ARHGAP20: variants seen among roughly 807,000 people sequenced by gnomAD.
The protein encoded by ARHGAP20 is Rho GTPase activating protein 20, also known as rho GTPase-activating protein 20.
Under a neutral mutation model 73.7 loss-of-function variants are expected in ARHGAP20, and 34 were observed. The ratio of observed to expected loss-of-function variants is 0.46; its 90% CI spans 0.35 to 0.61. The LOEUF is 0.61. ARHGAP20 is among the 20% of genes least tolerant of loss of function. The pLI, the probability that ARHGAP20 is intolerant of heterozygous loss-of-function variation, is 0.00. For missense variants in ARHGAP20, 1,314 were observed against 1,420.9 expected, an observed-to-expected ratio of 0.92 and a Z score of 1.21; for synonymous variants, 523 against 518.2, an observed-to-expected ratio of 1.01 and a Z score of -0.13.
At chr11:110,633,670 T>C (rs556256452) in intron 2 of ARHGAP20, among the ~76,000 whole-genome samples, 15 of 152,316 alleles carry the variant, frequency 9.8e-5, no homozygotes, top group African/African-American at 3.1e-4. Context: ...TCTCAACATA[T>C]GATAGATTTA....
In ARHGAP20 at chr11:110,712,326, G is replaced by T; in HGVS notation, c.-95C>A. On this transcript the variant is annotated 5_prime_UTR_variant, in exon 1 of 15. Transcript: ENST00000683387. ...GAGGGGCGAGGACGCGCGGGCGGAGGCGCGGCTGCCGTGCTCAGGCAGGGA... is the reference window on the plus strand; with the variant it reads ...GAGGGGCGAGGACGCGCGGGCGGAGTCGCGGCTGCCGTGCTCAGGCAGGGA... The T allele has an allele frequency of 9.3e-7, 1 of 1,079,626 alleles. No individual in the cohort carries two copies. The highest frequency in any genetic ancestry group is 1.2e-6 in the Non-Finnish European group (1 of 835,910). The allele number at this position is 1,079,626 out of a possible 1,614,324, so 66.9% of individuals were successfully genotyped here.
At chr11:110,669,106 T>C (rs565232471) in intron 2 of ARHGAP20, among the ~76,000 whole-genome samples, 1 of 151,728 alleles carries the variant, frequency 6.6e-6, no homozygotes, top group African/African-American at 2.4e-5. Context: ...AAAGAAAAAA[T>C]GATAAATTGG....
At chr11:110,654,655 T>C (rs1481443029) in intron 2 of ARHGAP20, among the ~76,000 whole-genome samples, 5 of 152,206 alleles carry the variant, frequency 3.3e-5, no homozygotes, top group Non-Finnish European at 7.3e-5. Context: ...ATGTATTGCA[T>C]CTGTGTTGGT....
In ARHGAP20 at chr11:110,648,182, T is replaced by C. The variant is rs1363668949; in HGVS notation, c.189-17390A>G. 1.6e-4 allele frequency among the ~76,000 whole-genome samples: 19 copies of C among 116,254 alleles called. No homozygotes were observed. In the East Asian group the frequency reaches 4.3e-3, roughly 26 times the overall value. The allele number at this position is 116,254 out of a possible 152,430, so 76.3% of individuals were successfully genotyped here. On this transcript the variant is annotated intron_variant, in intron 2 of 14. Transcript: ENST00000683387. ...ATATATATATATGTAAATATATATA[T>C]ATATATGTAAATATATATATATATG...
chr11:110,583,236 G>A (rs942998996), intron 13 of ARHGAP20, among the ~76,000 whole-genome samples: 18 of 152,186 alleles, frequency 1.2e-4, no homozygotes, highest in African/African-American at 4.3e-4. Flanking sequence ...GGGTGGAGCT[G>A]AGAATGGAAG....
intron 4 of ARHGAP20, among the ~76,000 whole-genome samples, chr11:110,621,003 G>C (rs188253020): frequency 1.3e-4 from 19 of 149,568 alleles, no homozygotes; most frequent in Non-Finnish European, 2.5e-4. Flanking sequence ...GAAGCCGGGA[G>C]GCAGAGGTTG....
At chr11:110,684,862 A>C (rs1398377915) in intron 2 of ARHGAP20, among the ~76,000 whole-genome samples, 1 of 131,584 alleles carries the variant, frequency 7.6e-6, no homozygotes, top group Non-Finnish European at 1.6e-5. Flanking sequence ...TATAAGTGGG[A>C]GGAAACAATG....
At chr11:110,657,920 GAGGAAGGAAGGAAGGA>G (rs3044293) in intron 2 of ARHGAP20, among the ~76,000 whole-genome samples, 83 of 134,110 alleles carry the variant, frequency 6.2e-4, no homozygotes, top group Admixed American at 1.2e-3. Context: ...AAAAGAGAGA[GAGGAAGGAAGGAAGGA>G]AGGAAGGAAG....
chr11:110,631,680 T>C (rs1948863395), intron 2 of ARHGAP20, among the ~76,000 whole-genome samples: 1 of 152,098 alleles, frequency 6.6e-6, no homozygotes, highest in Admixed American at 6.5e-5. Flanking sequence ...TCCAGAAATA[T>C]CTGCTCTGAT....
chr11:110,639,247 C>CCG (rs1555092912), intron 2 of ARHGAP20, among the ~76,000 whole-genome samples: 32 of 146,180 alleles, frequency 2.2e-4, no homozygotes, highest in African/African-American at 7.3e-4. Context: ...TACCCCCCCC[C>CCG]CACAAGAGTT....
intron 2 of ARHGAP20, among the ~76,000 whole-genome samples, chr11:110,652,372 G>T (rs147063778): frequency 6.6e-6 from 1 of 151,948 alleles, no homozygotes; most frequent in Non-Finnish European, 1.5e-5. Context: ...ACATAGTATC[G>T]GAAGTTCTGG....
At chr11:110,650,499 TA>T (rs1335672062) in intron 2 of ARHGAP20, among the ~76,000 whole-genome samples, 1 of 152,082 alleles carries the variant, frequency 6.6e-6, no homozygotes, top group Non-Finnish European at 1.5e-5. Flanking sequence ...GAATACAGGA[TA>T]AAGAAAGTAA....
At chr11:110,698,964 C>T (rs753887121) in intron 1 of ARHGAP20, among the ~76,000 whole-genome samples, 19 of 151,466 alleles carry the variant, frequency 1.3e-4, no homozygotes, top group Non-Finnish European at 2.5e-4. Context: ...GCTTTGGGTT[C>T]CAATTGGTCT....
At position 110,577,429 on chromosome 11, in the gene ARHGAP20, C is replaced by A; in HGVS notation, c.*1941G>T. On this transcript the variant is annotated 3_prime_UTR_variant, in exon 15 of 15. Transcript: ENST00000683387. ...AAAAAACCTCAGCAACTATTTTCTT[C>A]TATGCTTCAAATTGGGTGAATGATT... 1.8e-6 allele frequency: 2 copies of A among 1,091,192 alleles called. No individual in the cohort carries two copies. Among genetic ancestry groups the A allele is most frequent in the Non-Finnish European group, 1.1e-6 (1 of 899,774 alleles). 67.6% of individuals were successfully genotyped at this position (1,091,192 alleles called of 1,614,324 possible). A position where few individuals can be genotyped will look rare whatever the true frequency, so the allele number is the denominator to read the frequency against.
chr11:110,604,683 A>G (rs1948183424), intron 9 of ARHGAP20, among the ~76,000 whole-genome samples: 1 of 152,086 alleles, frequency 6.6e-6, no homozygotes, highest in Non-Finnish European at 1.5e-5. Flanking sequence ...ACCCAAGGGG[A>G]ACGAAAAATT....
intron 2 of ARHGAP20, among the ~76,000 whole-genome samples, chr11:110,661,572 CA>C (rs1323293150): frequency 2.0e-5 from 3 of 151,248 alleles, no homozygotes; most frequent in African/African-American, 7.3e-5. Flanking sequence ...ATATAAAGAA[CA>C]TTTTTTTCTC....
At chr11:110,606,411 A>G (rs1361305098) in intron 9 of ARHGAP20, 150 bp downstream of exon 9, 3 of 863,822 alleles carry the variant, frequency 3.5e-6, no homozygotes, top group Non-Finnish European at 1.8e-6. Flanking sequence ...GCTGATTTAT[A>G]AAACCATCTT....
chr11:110,582,139 A>G (rs965113805), intron 14 of ARHGAP20, among the ~76,000 whole-genome samples, 182 bp downstream of exon 14: 4 of 152,204 alleles, frequency 2.6e-5, no homozygotes, highest in African/African-American at 9.6e-5. Context: ...CACTGTTAAC[A>G]TATGCTGACC....
chr11:110,624,433 G>T, intron 3 of ARHGAP20, 122 bp from the exon 4 acceptor site: 2 of 678,292 alleles, frequency 2.9e-6, no homozygotes, highest in East Asian at 6.5e-5. Flanking sequence ...AATACTGCAT[G>T]TTCTCACTCA....
Sources: allele counts gnomAD v4.1 joint callset (sites outside exome capture counted in the v4.1 genomes callset), GRCh38; gene constraint gnomAD v4.1.1; transcripts MANE v1.5; gene names NCBI Gene and HGNC (gene_info 2026-07-23, HGNC 2026-07-21).